RPH3A: variants seen among roughly 807,000 people sequenced by gnomAD.
RPH3A encodes rabphilin 3A.
In RPH3A, 48 loss-of-function variants were observed where a neutral mutation model predicts 102.2. That is an observed-to-expected ratio of 0.47 (90% CI 0.37 to 0.60). The LOEUF (loss-of-function observed/expected upper bound fraction) is 0.60. RPH3A is among the 20% of genes least tolerant of loss of function. The pLI is 0.00. For missense variants in RPH3A, 781 were observed against 910.1 expected, an observed-to-expected ratio of 0.86 and a Z score of 1.83; for synonymous variants, 310 against 324.3, an observed-to-expected ratio of 0.96 and a Z score of 0.47.
In RPH3A at chr12:112,791,845, G is replaced by A. The variant is rs2041110015; in HGVS notation, c.-307G>A. 1 of 82,704 alleles carries A rather than the reference G, an allele frequency of 1.2e-5. No individual in the cohort carries two copies. The highest frequency in any genetic ancestry group is 2.4e-5 in the Non-Finnish European group (1 of 41,706). 5.1% of individuals were successfully genotyped at this position (82,704 alleles called of 1,614,324 possible). ...GCCAGCAGCCCGGAGTTGCCTACGCGGACTGGAAAGGAAGGGAGAAGGGAG... is the reference window on the plus strand; with the variant it reads ...GCCAGCAGCCCGGAGTTGCCTACGCAGACTGGAAAGGAAGGGAGAAGGGAG... On this transcript the variant is annotated 5_prime_UTR_variant, in exon 1 of 22. Transcript: ENST00000389385.
chr12:112,595,479 A>G (rs1323429090), intron 1 of RPH3A, among the ~76,000 whole-genome samples: 1 of 152,162 alleles, frequency 6.6e-6, no homozygotes, highest in Non-Finnish European at 1.5e-5. Flanking sequence ...ATGTTTGACT[A>G]CTGACAACTT....
In RPH3A at chr12:112,890,971, C is replaced by T. The variant is rs138505317; in HGVS notation, c.1743C>T (p.Asp581=). The change falls in exon 19 of 22, where the codon GAC becomes GAT. Residue 581 remains aspartate (D), a synonymous_variant. Coordinates refer to ENST00000389385, the MANE Select transcript of RPH3A (RefSeq NM_001143854.2). ...GCTGCGTGCACCTGGCTGCCATGGACGCTAATGGCTACTCAGACCCATTCG... is the reference window on the plus strand; with the variant it reads ...GCTGCGTGCACCTGGCTGCCATGGATGCTAATGGCTACTCAGACCCATTCG... The part of the protein sequence containing the change: ...IIRCVHLAAM[D]ANGYSDPFVK... 1.1e-4 allele frequency: 171 copies of T among 1,614,146 alleles called. 1 individual carries two copies. The highest frequency in any genetic ancestry group is 8.8e-4 in the African/African-American group (66 of 75,044).
chr12:112,645,587 G>C (rs562834862), intron 1 of RPH3A, among the ~76,000 whole-genome samples: 10 of 152,184 alleles, frequency 6.6e-5, no homozygotes, highest in African/African-American at 2.4e-4. Flanking sequence ...GCAGGTGTAG[G>C]GTGTTTCAAA....
rs745591112 is a variant in RPH3A, at chr12:112,847,768, T to G, written c.156T>G (p.Asp52Glu). Residue 52 changes from aspartate (D) to glutamate (E), a missense_variant, in exon 5 of 22, where the codon GAT (aspartate) becomes GAG (glutamate). By Grantham distance (45) the Asp-to-Glu change is conservative. Coordinates refer to ENST00000389385, the MANE Select transcript of RPH3A (RefSeq NM_001143854.2). ...AGAGGAAGCAGGAAGAGCTGACTGA[T>G]GAGGAGAAAGAAATCATCAACAGGG... ...DRQRKQEELT[D>E]EEKEIINRVI... 4.3e-5 allele frequency: 69 copies of G among 1,613,974 alleles called. 1 individual carries two copies. The highest frequency in any genetic ancestry group is 5.6e-5 in the Non-Finnish European group (66 of 1,180,006).
chr12:112,825,818 G>C (rs2041860169), intron 2 of RPH3A, among the ~76,000 whole-genome samples: 1 of 152,154 alleles, frequency 6.6e-6, no homozygotes, highest in African/African-American at 2.4e-5. Flanking sequence ...ATTAAATTGG[G>C]GTAGTGATAA....
chr12:112,641,237 C>T (rs1040493795), intron 1 of RPH3A, among the ~76,000 whole-genome samples: 1 of 152,220 alleles, frequency 6.6e-6, no homozygotes, highest in East Asian at 1.9e-4. Context: ...CAAAGCTATA[C>T]AGTAAAATAT....
At position 112,895,866 on chromosome 12, in the gene RPH3A, T is replaced by G. The variant is rs1426022708; in HGVS notation, c.1947T>G (p.Asp649Glu). The change falls in exon 21 of 22, where the codon GAT (aspartate) becomes GAG (glutamate). Residue 649 changes from aspartate (D) to glutamate (E), a missense_variant. Asp to Glu is a conservative substitution (Grantham distance 45). This residue lies in a region of RPH3A where 51 missense variants were observed against 100.1 expected (regional missense o/e 0.51). Transcript: ENST00000389385. ...VWDYDIGKSNDYIGGCQLGIS... is the reference protein window; with the variant it reads ...VWDYDIGKSNEYIGGCQLGIS... ...ACTATGACATCGGCAAGTCCAATGA[T>G]TACATCGGTGAGTGTTCCTAACTCC... The G allele has an allele frequency of 6.2e-7, 1 of 1,610,196 alleles. No individual in the cohort carries two copies. The highest frequency in any genetic ancestry group is 8.5e-7 in the Non-Finnish European group (1 of 1,176,848).
intron 1 of RPH3A, among the ~76,000 whole-genome samples, chr12:112,694,293 G>A (rs1332401286): frequency 6.6e-6 from 1 of 152,172 alleles, no homozygotes; most frequent in Non-Finnish European, 1.5e-5. Context: ...GTCTCACGTG[G>A]CCCAGCTGCT....
At chr12:112,797,163 G>C (rs2041249035) in intron 2 of RPH3A, among the ~76,000 whole-genome samples, 1 of 152,298 alleles carries the variant, frequency 6.6e-6, no homozygotes, top group Admixed American at 6.5e-5. Flanking sequence ...AAGATATTCA[G>C]TTCACTGATA....
In RPH3A at chr12:112,803,007, C is replaced by T. The variant is rs1803922629; in HGVS notation, c.-19+10744C>T. On this transcript the variant is annotated intron_variant, in intron 2 of 21. Transcript: ENST00000389385. The stretch of plus-strand genomic sequence containing the variant: ...GAGTCCTTGAGTGGCCAGAGAGGCC[C>T]CCAGAAGCTGTCCAAAGCCTGGGAT... Among the ~76,000 whole-genome samples the T allele has an allele frequency of 2.6e-5, 4 of 152,276 alleles. No homozygotes were observed. The South Asian group carries it at 8.3e-4, about 32-fold the overall frequency.
At chr12:112,738,316 C>T (rs1052958233) in intron 1 of RPH3A, among the ~76,000 whole-genome samples, 1 of 152,164 alleles carries the variant, frequency 6.6e-6, no homozygotes, top group African/African-American at 2.4e-5. Flanking sequence ...CCTCAGCCTC[C>T]CGAGTAGCTG....
At chr12:112,658,582 A>G (rs967611298) in intron 1 of RPH3A, among the ~76,000 whole-genome samples, 2 of 152,214 alleles carry the variant, frequency 1.3e-5, no homozygotes, top group African/African-American at 2.4e-5. Flanking sequence ...AGTTACAATG[A>G]TCTGGGTGAG....
intron 1 of RPH3A, among the ~76,000 whole-genome samples, chr12:112,717,486 A>G (rs2040521760): frequency 6.6e-6 from 1 of 152,132 alleles, no homozygotes; most frequent in Admixed American, 6.5e-5. Flanking sequence ...TATATATAAT[A>G]TATATGTAAT....
At chr12:112,827,539 G>A (rs1003812893) in intron 2 of RPH3A, among the ~76,000 whole-genome samples, 2 of 152,186 alleles carry the variant, frequency 1.3e-5, no homozygotes, top group Non-Finnish European at 2.9e-5. Context: ...GACCAAGGAG[G>A]AGTCAATTGC....
intron 5 of RPH3A, among the ~76,000 whole-genome samples, chr12:112,863,744 G>T (rs1375621228): frequency 1.3e-5 from 2 of 152,212 alleles, no homozygotes; most frequent in African/African-American, 2.4e-5. Context: ...CCTGGAAGTG[G>T]GTGGCAATGC....
intron 4 of RPH3A, among the ~76,000 whole-genome samples, chr12:112,845,908 T>A (rs1199760754): frequency 1.3e-5 from 2 of 152,114 alleles, no homozygotes; most frequent in Non-Finnish European, 2.9e-5. Flanking sequence ...ACAGCCTCTC[T>A]GAGACCAGGA....
chr12:112,618,952 A>G (rs949788312), intron 1 of RPH3A, among the ~76,000 whole-genome samples: 7 of 152,188 alleles, frequency 4.6e-5, no homozygotes, highest in Non-Finnish European at 1.0e-4. Context: ...GAATAATATA[A>G]TATTTGTCCT....
chr12:112,894,790 A>G, intron 20 of RPH3A, 131 bp downstream of exon 20: 1 of 793,384 alleles, frequency 1.3e-6, no homozygotes, highest in Non-Finnish European at 2.0e-6. Context: ...GATGATGTAG[A>G]AAAATATTTG....
intron 1 of RPH3A, among the ~76,000 whole-genome samples, chr12:112,708,438 G>T (rs2040439445): frequency 6.6e-6 from 1 of 152,168 alleles, no homozygotes; most frequent in Non-Finnish European, 1.5e-5. Context: ...GTAGTGGCTG[G>T]TCATTAATGA....
Sources: gnomAD v4.1 joint callset for allele counts (sites outside exome capture counted in the v4.1 genomes callset) on GRCh38, gnomAD v4.1.1 for gene constraint, gnomAD v4.1.1 regional missense constraint, MANE v1.5 for transcripts, NCBI Gene and HGNC (gene_info 2026-07-23, HGNC 2026-07-21) for gene names.